TIAM1: variants seen among roughly 807,000 people sequenced by gnomAD.
TIAM1 encodes the protein TIAM Rac1 associated GEF 1.
A neutral mutation model predicts 163.5 loss-of-function variants in TIAM1; 65 were observed. That is an observed-to-expected ratio of 0.40 (90% CI 0.33 to 0.49). TIAM1 has a LOEUF of 0.49. Ranked by LOEUF, TIAM1 falls within the 20% of genes least tolerant of loss-of-function variation. The pLI is 0.77. For synonymous variants in TIAM1, 833 were observed against 810.1 expected (o/e 1.03, Z -0.48); for missense variants, 1,789 against 2,044.7 (o/e 0.87, Z 2.41).
chr21:31,383,377 T>G (rs1460492065), intron 2 of TIAM1, among the ~76,000 whole-genome samples: 1 of 152,210 alleles, frequency 6.6e-6, no homozygotes, highest in African/African-American at 2.4e-5. Context: ...TTACAAGGAT[T>G]GTGCAAAATG....
chr21:31,550,235 T>C lies in TIAM1; in HGVS notation c.-422+8692A>G, dbSNP rs1279219222. ...AGGCCAAAAGGTGGAAATAACCCAA[T>C]GTCTATCAACTGATACATGGATAAA... On this transcript the variant is annotated intron_variant, in intron 1 of 28. Transcript: ENST00000286827. Among the ~76,000 whole-genome samples, 3 of 152,256 alleles carry C rather than the reference T, an allele frequency of 2.0e-5. No individual in the cohort carries two copies. The East Asian group carries it at 5.8e-4, about 29-fold the overall frequency.
intron 2 of TIAM1, among the ~76,000 whole-genome samples, chr21:31,333,982 C>T (rs975141496): frequency 3.9e-5 from 6 of 152,188 alleles, no homozygotes; most frequent in Admixed American, 2.6e-4. Flanking sequence ...CTTACCTTGG[C>T]TTGTTGAGAC....
At chr21:31,315,303 A>C (rs955010097) in intron 2 of TIAM1, among the ~76,000 whole-genome samples, 3 of 152,040 alleles carry the variant, frequency 2.0e-5, no homozygotes, top group Non-Finnish European at 4.4e-5. Context: ...TCACGAGGTC[A>C]GGAGATCGAG....
At chr21:31,146,184 G>A (rs898462272) in intron 20 of TIAM1, among the ~76,000 whole-genome samples, 1 of 152,110 alleles carries the variant, frequency 6.6e-6, no homozygotes, top group Non-Finnish European at 1.5e-5. Context: ...GGTAATCCTA[G>A]CACTGTAGGA....
rs190784753 is a variant in TIAM1, at chr21:31,541,492, A to G, written c.-422+17435T>C. Among the ~76,000 whole-genome samples the G allele has an allele frequency of 3.1e-4, 47 of 152,298 alleles. 2 individuals carry two copies. Among genetic ancestry groups the G allele is most frequent in the African/African-American group, 7.2e-4 (30 of 41,564 alleles). ...AAAAAGAAAGAAAAGAAAAAGGTCAAAAAAGATTATTAAAATAGTGATGAA... is the reference window on the plus strand; with the variant it reads ...AAAAAGAAAGAAAAGAAAAAGGTCAGAAAAGATTATTAAAATAGTGATGAA... On this transcript the variant is annotated intron_variant, in intron 1 of 28. Coordinates refer to the TIAM1 transcript ENST00000286827.
intron 1 of TIAM1, among the ~76,000 whole-genome samples, chr21:31,496,037 G>A (rs1022669916): frequency 1.3e-5 from 2 of 152,138 alleles, no homozygotes; most frequent in African/African-American, 2.4e-5. Flanking sequence ...AGGACAAGAC[G>A]TGGAGGTGGA....
chr21:31,463,438 G>T (rs963764153), intron 2 of TIAM1, among the ~76,000 whole-genome samples: 1 of 152,154 alleles, frequency 6.6e-6, no homozygotes, highest in Non-Finnish European at 1.5e-5. Context: ...CAGCTACATC[G>T]CCAGCACCCT....
intron 2 of TIAM1, among the ~76,000 whole-genome samples, chr21:31,369,507 G>A (rs2076559330): frequency 6.6e-6 from 1 of 152,078 alleles, no homozygotes; most frequent in African/African-American, 2.4e-5. Flanking sequence ...ACTATAGGGT[G>A]ACTACAGTTA....
At chr21:31,418,566 T>G (rs1189855126) in intron 2 of TIAM1, among the ~76,000 whole-genome samples, 1 of 152,082 alleles carries the variant, frequency 6.6e-6, no homozygotes, top group Non-Finnish European at 1.5e-5. Context: ...TGCAGCATCC[T>G]GGCGAGGGAT....
chr21:31,446,806 A>T (rs1299826351), intron 2 of TIAM1, among the ~76,000 whole-genome samples: 1 of 152,232 alleles, frequency 6.6e-6, no homozygotes, highest in Non-Finnish European at 1.5e-5. Context: ...TCTTCAGTGA[A>T]AACAAATGCT....
rs749318489 is a variant in TIAM1, at chr21:31,202,927, T to C, written c.2474A>G (p.Glu825Gly). 5.6e-6 allele frequency: 9 copies of C among 1,614,154 alleles called. No homozygotes were observed. Among genetic ancestry groups the C allele is most frequent in the African/African-American group, 1.3e-5 (1 of 75,064 alleles). Residue 825 changes from glutamate (E) to glycine (G), a missense_variant, in exon 12 of 28, where the codon GAG (glutamate) becomes GGG (glycine). Physicochemically the swap from Glu to Gly is moderately conservative, Grantham distance 98. Transcript: ENST00000541036. Reference sequence around the variant, plus strand: ...CATTACCAGCTCATAGATGTCTTCCTCGGGCTGTGGAACATAGAGCTGCAT... The same window carrying C: ...CATTACCAGCTCATAGATGTCTTCCCCGGGCTGTGGAACATAGAGCTGCAT... The part of the protein sequence containing the change: ...NKMQLYVPQP[E>G]EDIYELLYKE...
chr21:31,230,435 T>C (rs2088345090), intron 6 of TIAM1, among the ~76,000 whole-genome samples: 1 of 152,190 alleles, frequency 6.6e-6, no homozygotes, highest in Admixed American at 6.5e-5. Context: ...GTTCTGTTTT[T>C]TCCTTGTTTA....
chr21:31,284,450 A>AG (rs992805167), intron 2 of TIAM1, among the ~76,000 whole-genome samples: 10 of 152,134 alleles, frequency 6.6e-5, no homozygotes, highest in African/African-American at 1.7e-4. Flanking sequence ...GACACACAGC[A>AG]GGGGGGGTGG....
Position 31,266,501 on chromosome 21 carries a change from TG to T in TIAM1, c.471del (p.Thr158LeufsTer31). ...TTAAAGCTCGCCGTCTCCATGAAAG[TG>T]GGCCCATTGGATGTATAGGAATGCT... ...RRQHSYTSNG[P>X]TFMETASFKK... is the part of the protein sequence containing the mutation. On this transcript the variant is annotated frameshift_variant, in exon 4 of 28. Transcript: ENST00000541036. LOFTEE classifies it high-confidence loss of function. 6.2e-7 allele frequency: 1 copy of T among 1,614,180 alleles called. No homozygotes were observed. The highest frequency in any genetic ancestry group is 8.5e-7 in the Non-Finnish European group (1 of 1,180,046).
At chr21:31,517,048 CA>C (rs747446437) in intron 1 of TIAM1, among the ~76,000 whole-genome samples, 1,018 of 65,410 alleles carry the variant, frequency 0.016, 2 homozygotes, top group East Asian at 0.074. Flanking sequence ...GACTCTGTCT[CA>C]AAAAAAAAAA....
At chr21:31,467,162 C>T (rs2045563589) in intron 1 of TIAM1, among the ~76,000 whole-genome samples, 1 of 152,128 alleles carries the variant, frequency 6.6e-6, no homozygotes, top group Non-Finnish European at 1.5e-5. Flanking sequence ...ACCCCATCTC[C>T]ATAAAAACTT....
Position 31,217,496 on chromosome 21 carries a change from G to A in TIAM1, c.2142+57C>T, listed in dbSNP as rs980442921. On this transcript the variant is annotated intron_variant, in intron 9 of 27. Coordinates refer to ENST00000541036, the MANE Select transcript of TIAM1 (RefSeq NM_001353694.2). Reference sequence around the variant, plus strand: ...TGAAGAAACACACACACCCCAAATTGAGGTGGCCACAGAAGTGATTTGTGC... The same window carrying A: ...TGAAGAAACACACACACCCCAAATTAAGGTGGCCACAGAAGTGATTTGTGC... 1.9e-6 allele frequency: 3 copies of A among 1,573,650 alleles called. No homozygotes were observed. In the East Asian group the frequency reaches 6.8e-5, roughly 36 times the overall value.
chr21:31,381,815 G>A (rs1262547286), intron 2 of TIAM1, among the ~76,000 whole-genome samples: 1 of 152,180 alleles, frequency 6.6e-6, no homozygotes, highest in East Asian at 1.9e-4. Flanking sequence ...CTGGGTGACA[G>A]AGTAAGACCC....
At chr21:31,499,707 A>G (rs1486477855) in intron 1 of TIAM1, among the ~76,000 whole-genome samples, 1 of 151,906 alleles carries the variant, frequency 6.6e-6, no homozygotes, top group Non-Finnish European at 1.5e-5. Context: ...AAAATTAGCC[A>G]GGTGTGGTGG....
Sources: allele counts gnomAD v4.1 joint callset (sites outside exome capture counted in the v4.1 genomes callset), GRCh38; gene constraint gnomAD v4.1.1; transcripts MANE v1.5; gene names NCBI Gene and HGNC (gene_info 2026-07-23, HGNC 2026-07-21).